UBR2: variants seen among roughly 807,000 people sequenced by gnomAD.
The protein encoded by UBR2 is E3 ubiquitin-protein ligase UBR2.
UBR2 carries 92 observed loss-of-function variants against 247.9 expected under a neutral mutation model. The ratio of observed to expected loss-of-function variants is 0.37; its 90% CI spans 0.31 to 0.44. The LOEUF (loss-of-function observed/expected upper bound fraction) is 0.44. Ranked by LOEUF, UBR2 falls within the 20% of genes least tolerant of loss-of-function variation. UBR2 has a pLI of 1.00. For missense variants in UBR2, 1,613 were observed against 2,112.6 expected (o/e 0.76, Z 4.64); for synonymous variants, 672 against 693.5 (o/e 0.97, Z 0.49).
chr6:42,682,881 T>C (rs561687033), intron 42 of UBR2, among the ~76,000 whole-genome samples, 174 bp from the exon 43 acceptor site: 3 of 152,326 alleles, frequency 2.0e-5, no homozygotes, highest in Non-Finnish European at 4.4e-5. Context: ...TAGAAAATAT[T>C]CTCCTGATTT....
chr6:42,583,428 G>T (rs1792040298), intron 2 of UBR2, among the ~76,000 whole-genome samples: 1 of 151,706 alleles, frequency 6.6e-6, no homozygotes, highest in Admixed American at 6.6e-5. Flanking sequence ...TCTATTTTTA[G>T]TAGAGGTGGG....
At chr6:42,602,199 T>C (rs1215384330) in intron 4 of UBR2, among the ~76,000 whole-genome samples, 1 of 149,636 alleles carries the variant, frequency 6.7e-6, no homozygotes, top group East Asian at 2.0e-4. Context: ...TTTTTTTTTT[T>C]CTTCTTTTCT....
rs2151989545 is a variant in UBR2 at position 42,678,521 on chromosome 6, C to A, written c.4479-18C>A. The A allele has an allele frequency of 6.3e-7, 1 of 1,596,196 alleles. No homozygotes were observed. The highest frequency in any genetic ancestry group is 1.7e-4 in the Middle Eastern group (1 of 5,974). ...TTTTCTTAGTAGATTTCCCAATAAT[C>A]TTTTTTTTCTTTTTTAGTGCCTTGA... On this transcript the variant is annotated intron_variant, in intron 40 of 46. Transcript: ENST00000372901.
At chr6:42,684,062 A>G (rs1355982922) in intron 43 of UBR2, among the ~76,000 whole-genome samples, 4 of 152,244 alleles carry the variant, frequency 2.6e-5, no homozygotes, top group South Asian at 2.1e-4. Context: ...TTATCAGTCA[A>G]AAATGGTTGA....
rs147413771 is a variant in UBR2 at position 42,633,818 on chromosome 6, C to T, written c.1545+914C>T. Among the ~76,000 whole-genome samples, 121 of 152,276 alleles carry T rather than the reference C, an allele frequency of 7.9e-4. 1 individual carries two copies. The highest frequency in any genetic ancestry group is 6.8e-3 in the Middle Eastern group (2 of 294). On this transcript the variant is annotated intron_variant, in intron 13 of 46. Transcript: ENST00000372901. ...CAATCCTGGCTCACTGCAACCTCCGCCTCCTGGGTTCAAGTGATTCTCTGA... is the reference window on the plus strand; with the variant it reads ...CAATCCTGGCTCACTGCAACCTCCGTCTCCTGGGTTCAAGTGATTCTCTGA...
rs376792883 is a variant in UBR2, at chr6:42,572,408, TGAA to T, written c.79-1323_79-1321del. Among the ~76,000 whole-genome samples, 350 of 152,080 alleles carry T rather than the reference TGAA, an allele frequency of 2.3e-3. No homozygotes were observed. In the Middle Eastern group the frequency reaches 0.024, roughly 10 times the overall value. ...AAGAATATACAAGTAATAGCTAAAA[TGAA>T]GACCTTATGTTGACTTCTTATGATG... On this transcript the variant is annotated intron_variant, in intron 1 of 46. Transcript: ENST00000372901.
intron 46 of UBR2, among the ~76,000 whole-genome samples, chr6:42,690,198 A>G (rs1023091591): frequency 1.3e-5 from 2 of 152,226 alleles, no homozygotes; most frequent in Non-Finnish European, 2.9e-5. Context: ...CTTTCAGACC[A>G]TCTCTTTTGT....
rs1799770194 is a variant in UBR2, at chr6:42,691,815, AC to A, written c.*643del. 2 of 146,880 alleles carry A rather than the reference AC, an allele frequency of 1.4e-5. No homozygotes were observed. Among genetic ancestry groups the A allele is most frequent in the South Asian group, 4.3e-4 (2 of 4,672 alleles). 9.1% of individuals were successfully genotyped at this position (146,880 alleles called of 1,614,324 possible). On this transcript the variant is annotated 3_prime_UTR_variant, in exon 47 of 47. Coordinates refer to ENST00000372901, the MANE Select transcript of UBR2 (RefSeq NM_001363705.2). ...TTTTTCTTTTTTTTTTTATGGCAAGACTTTTGGCTTTGAGAAAACTCACTTA... is the reference window on the plus strand; with the variant it reads ...TTTTTCTTTTTTTTTTTATGGCAAGATTTTGGCTTTGAGAAAACTCACTTA...
chr6:42,586,821 A>C (rs1410644258), intron 2 of UBR2, among the ~76,000 whole-genome samples: 3 of 69,628 alleles, frequency 4.3e-5, no homozygotes, highest in Non-Finnish European at 2.7e-5. Context: ...GCACCTATAA[A>C]CTTTTTTTTT....
At chr6:42,600,625 CAAAAA>C (rs71680032) in intron 4 of UBR2, among the ~76,000 whole-genome samples, 54 of 106,142 alleles carry the variant, frequency 5.1e-4, no homozygotes, top group African/African-American at 1.8e-3. Context: ...GTTACTGTAG[CAAAAA>C]AAAAAAAAAA....
intron 34 of UBR2, among the ~76,000 whole-genome samples, chr6:42,669,213 C>T (rs987447092): frequency 5.3e-5 from 8 of 152,170 alleles, no homozygotes; most frequent in African/African-American, 1.9e-4. Flanking sequence ...GCTGAGCCAC[C>T]GCACCCAGGC....
intron 17 of UBR2, 62 bp downstream of exon 17, chr6:42,641,754 A>G: frequency 7.3e-7 from 1 of 1,360,654 alleles, no homozygotes; most frequent in Non-Finnish European, 1.0e-6. Flanking sequence ...TGAAGGTTGT[A>G]ATTTTCAGTG....
In UBR2 at chr6:42,673,849, T is replaced by C; in HGVS notation, c.4145T>C (p.Val1382Ala). ...FAAAHWTVAS[V>A]SVVQGHFCKL... ...GCAGCACACTGGACAGTGGCATCAG[T>C]TTCAGTGGTGCAAGGACATTTTTGT... The change falls in exon 37 of 47, where the codon GTT becomes GCT. Residue 1382 changes from valine to alanine, a missense_variant. By Grantham distance (64) the Val-to-Ala change is moderately conservative. Transcript: ENST00000372901. The C allele has an allele frequency of 6.2e-7, 1 of 1,614,074 alleles. No individual in the cohort carries two copies. Among genetic ancestry groups the C allele is most frequent in the Non-Finnish European group, 8.5e-7 (1 of 1,179,952 alleles).
intron 2 of UBR2, among the ~76,000 whole-genome samples, chr6:42,586,828 T>TTTTC (rs1160481016): frequency 6.8e-6 from 1 of 146,362 alleles, no homozygotes; most frequent in East Asian, 1.9e-4. Context: ...TAAACTTTTT[T>TTTTC]TTTTTTTTTT....
intron 2 of UBR2, among the ~76,000 whole-genome samples, chr6:42,578,279 A>G (rs1400223922): frequency 6.6e-6 from 1 of 152,126 alleles, no homozygotes; most frequent in Non-Finnish European, 1.5e-5. Flanking sequence ...TAATGCTTTC[A>G]AGGTTCACCA....
intron 25 of UBR2, among the ~76,000 whole-genome samples, chr6:42,654,109 ATTCT>A (rs1014428692): frequency 3.3e-5 from 5 of 152,210 alleles, no homozygotes; most frequent in African/African-American, 1.2e-4. Context: ...AGTAGCTATC[ATTCT>A]TTCTTTTTGT....
chr6:42,675,164 C>T (rs1358319926), intron 38 of UBR2, among the ~76,000 whole-genome samples: 5 of 152,136 alleles, frequency 3.3e-5, no homozygotes, highest in South Asian at 2.1e-4. Context: ...CTAATAAATG[C>T]GGCTATTACT....
At chr6:42,645,660 A>G in intron 21 of UBR2, 70 bp downstream of exon 21, 1 of 1,501,348 alleles carries the variant, frequency 6.7e-7, no homozygotes, top group Non-Finnish European at 9.1e-7. Context: ...GTATCTATAG[A>G]TTTACTTCTG....
In UBR2 at chr6:42,691,198, A is replaced by G; in HGVS notation, c.*25A>G. 1 of 1,606,104 alleles carries G rather than the reference A, an allele frequency of 6.2e-7. No individual in the cohort carries two copies. ...ATTATTGCACCACCAAAAAACACAA[A>G]CTTGGATTTTTTTAACCCAGTTGGC... On this transcript the variant is annotated 3_prime_UTR_variant, in exon 47 of 47. Coordinates refer to ENST00000372901, the MANE Select transcript of UBR2 (RefSeq NM_001363705.2).
Sources: allele counts gnomAD v4.1 joint callset (sites outside exome capture counted in the v4.1 genomes callset), GRCh38; gene constraint gnomAD v4.1.1; transcripts MANE v1.5; gene names NCBI Gene and HGNC (gene_info 2026-07-23, HGNC 2026-07-21).